ACVR1B: variants seen among roughly 807,000 people sequenced by gnomAD.
ACVR1B encodes the protein activin receptor type-1B.
A neutral mutation model predicts 55.6 loss-of-function variants in ACVR1B; 15 were observed. The ratio of observed to expected loss-of-function variants is 0.27; its 90% CI spans 0.18 to 0.42. ACVR1B has a LOEUF of 0.42. ACVR1B is among the 10% of genes least tolerant of loss of function. The pLI, the probability that ACVR1B is intolerant of heterozygous loss-of-function variation, is 1.00. For missense variants in ACVR1B, 359 were observed against 670.1 expected (o/e 0.54, Z 5.13); for synonymous variants, 247 against 254.6 (o/e 0.97, Z 0.28).
chr12:51,975,176 T>C, intron 1 of ACVR1B, 89 bp from the exon 2 acceptor site: 1 of 1,518,874 alleles, frequency 6.6e-7, no homozygotes, highest in Non-Finnish European at 8.8e-7. Context: ...GAACATCAAG[T>C]ATGCTAAGGG....
chr12:51,953,619 A>G (rs1941354946), intron 1 of ACVR1B: 1 of 799,824 alleles, frequency 1.3e-6, no homozygotes, highest in Non-Finnish European at 1.5e-6. Flanking sequence ...AGGGAGATTG[A>G]ACCTCTAGGT....
intron 1 of ACVR1B, among the ~76,000 whole-genome samples, chr12:51,953,180 A>C (rs1941343753): frequency 6.6e-6 from 1 of 152,108 alleles, no homozygotes; most frequent in South Asian, 2.1e-4. Flanking sequence ...CAGCAATGGG[A>C]GATAAAGTGT....
intron 1 of ACVR1B, among the ~76,000 whole-genome samples, chr12:51,962,807 G>A (rs566030408): frequency 6.1e-4 from 93 of 152,312 alleles, no homozygotes; most frequent in African/African-American, 2.0e-3. Context: ...TGTATATAAA[G>A]TGAGTAAAAG....
At chr12:51,954,996 C>A (rs1432692504) in intron 1 of ACVR1B, among the ~76,000 whole-genome samples, 1 of 152,146 alleles carries the variant, frequency 6.6e-6, no homozygotes. Context: ...TAATTTCTGT[C>A]TCTGGCAGGC....
rs770245292 is a variant in ACVR1B, at chr12:51,984,117, T to G, written c.930T>G (p.Ser310=). The G allele has an allele frequency of 9.3e-6, 15 of 1,614,126 alleles. No homozygotes were observed. In the South Asian group the frequency reaches 1.3e-4, roughly 14 times the overall value. ...TIEGMIKLAL[S]AASGLAHLHM... ...AGGGGATGATTAAGCTGGCCTTGTC[T>G]GCTGCTAGTGGGCTGGCACACCTGC... The change falls in exon 5 of 9, where the codon TCT becomes TCG. Residue 310 remains serine, a synonymous_variant. Coordinates refer to ENST00000257963, the MANE Select transcript of ACVR1B (RefSeq NM_004302.5).
chr12:51,984,683 T>C (rs1327711939), intron 5 of ACVR1B, among the ~76,000 whole-genome samples: 1 of 152,246 alleles, frequency 6.6e-6, no homozygotes, highest in East Asian at 1.9e-4. Flanking sequence ...TGGGAGATCC[T>C]GGATCTTGTC....
At position 51,991,851 on chromosome 12, in the gene ACVR1B, C is replaced by G; in HGVS notation, c.1262-12C>G. 1.2e-6 allele frequency: 2 copies of G among 1,610,268 alleles called. No individual in the cohort carries two copies. Among genetic ancestry groups the G allele is most frequent in the Non-Finnish European group, 1.7e-6 (2 of 1,177,920 alleles). On this transcript the variant is annotated splice_polypyrimidine_tract_variant and intron_variant, in intron 7 of 8. Coordinates refer to ENST00000257963, the MANE Select transcript of ACVR1B (RefSeq NM_004302.5). ...TGTTGATAACTCAGGTAGATACTTTCTTTTCTCCCAGGAGTCCATGAAGAA... is the reference window on the plus strand; with the variant it reads ...TGTTGATAACTCAGGTAGATACTTTGTTTTCTCCCAGGAGTCCATGAAGAA...
chr12:51,975,655 G>T (rs1257953933), intron 2 of ACVR1B, 151 bp downstream of exon 2: 1 of 1,172,234 alleles, frequency 8.5e-7, no homozygotes, highest in Non-Finnish European at 1.2e-6. Flanking sequence ...GGGTTTCTCA[G>T]CAGTTGCTTT....
intron 8 of ACVR1B, 181 bp downstream of exon 8, chr12:51,992,174 C>A: frequency 1.3e-6 from 1 of 754,040 alleles, no homozygotes; most frequent in Non-Finnish European, 2.1e-6. Flanking sequence ...GTCCTGGACC[C>A]TGTAGGGTGC....
chr12:51,994,361 C>T lies in ACVR1B; in HGVS notation c.*251C>T. ...GAATTGTGTGGAGAACTCAGTGCCA[C>T]ACCTCGAACTGGTTGTAGTGGGAAG... On this transcript the variant is annotated 3_prime_UTR_variant, in exon 9 of 9. Coordinates refer to ENST00000257963, the MANE Select transcript of ACVR1B (RefSeq NM_004302.5). This position sits in a 1 kb window ranked among gnomAD's most constrained non-coding sequence, Gnocchi z 4.2. 1 of 440,908 alleles carries T rather than the reference C, an allele frequency of 2.3e-6. No homozygotes were observed. The highest frequency in any genetic ancestry group is 4.1e-6 in the Non-Finnish European group (1 of 244,978). The allele number at this position is 440,908 out of a possible 1,614,324, so 27.3% of individuals were successfully genotyped here.
chr12:51,957,122 T>A (rs1176467435), intron 1 of ACVR1B, among the ~76,000 whole-genome samples: 1 of 152,062 alleles, frequency 6.6e-6, no homozygotes, highest in African/African-American at 2.4e-5. Context: ...TGAGACAGTG[T>A]CCTGCTCTGT....
intron 1 of ACVR1B, among the ~76,000 whole-genome samples, chr12:51,964,934 A>C (rs951905803): frequency 6.6e-6 from 1 of 151,728 alleles, no homozygotes; most frequent in African/African-American, 2.4e-5. Flanking sequence ...TGTTTGGACT[A>C]TTCAGGGTCA....
chr12:51,984,194 AGTG>A, intron 5 of ACVR1B, 28 bp downstream of exon 5: 1 of 1,613,342 alleles, frequency 6.2e-7, no homozygotes, highest in Non-Finnish European at 8.5e-7. Context: ...GGAGCGGCGA[AGTG>A]GTGTAGGCAT....
chr12:51,976,222 A>G, intron 2 of ACVR1B, 105 bp from the exon 3 acceptor site: 1 of 1,368,090 alleles, frequency 7.3e-7, no homozygotes, highest in Non-Finnish European at 1.0e-6. Context: ...GAACACATCG[A>G]CAGGGAAAGG....
chr12:51,968,945 G>A (rs1345815036), intron 1 of ACVR1B, among the ~76,000 whole-genome samples: 1 of 152,186 alleles, frequency 6.6e-6, no homozygotes, highest in Non-Finnish European at 1.5e-5. Flanking sequence ...AATCTGCAAT[G>A]CTTTCTGGTC....
intron 1 of ACVR1B, among the ~76,000 whole-genome samples, chr12:51,960,378 C>T (rs1246598671): frequency 1.3e-5 from 2 of 152,064 alleles, no homozygotes; most frequent in Non-Finnish European, 2.9e-5. Context: ...ACCATGATTG[C>T]ACCACTGCAC....
chr12:51,962,246 T>C (rs543663155), intron 1 of ACVR1B, among the ~76,000 whole-genome samples: 79 of 152,336 alleles, frequency 5.2e-4, no homozygotes, highest in African/African-American at 1.6e-3. Context: ...AATACCAAGC[T>C]TATCAAGTGT....
intron 3 of ACVR1B, among the ~76,000 whole-genome samples, chr12:51,979,236 C>CG (rs35031867): frequency 0.035 from 5,220 of 149,414 alleles, 323 homozygotes; most frequent in African/African-American, 0.12. Flanking sequence ...GAGGCCGAGG[C>CG]GGGTAGATCA....
intron 1 of ACVR1B, among the ~76,000 whole-genome samples, chr12:51,962,801 T>C (rs898415349): frequency 4.6e-5 from 7 of 152,230 alleles, no homozygotes; most frequent in Non-Finnish European, 1.0e-4. Context: ...TAGAAATGTA[T>C]ATAAAGTGAG....
Sources: gnomAD v4.1 joint callset for allele counts (sites outside exome capture counted in the v4.1 genomes callset) on GRCh38, gnomAD v4.1.1 for gene constraint, Gnocchi (gnomAD v3.1) non-coding constraint, MANE v1.5 for transcripts, NCBI Gene and HGNC (gene_info 2026-07-23, HGNC 2026-07-21) for gene names.